Variants in TUBGCP5 observed in about 807,000 individuals in gnomAD.
TUBGCP5 encodes the protein gamma-tubulin complex component 5.
TUBGCP5 carries 98 observed loss-of-function variants against 134.7 expected under a neutral mutation model. The observed-to-expected ratio is 0.73, with a 90% CI of 0.62 to 0.86. The LOEUF is 0.86. Among genes scored for constraint, TUBGCP5 ranks in the 40% least tolerant of loss-of-function variants. TUBGCP5 has a pLI of 0.00. For missense variants in TUBGCP5, 1,150 were observed against 1,244.8 expected (o/e 0.92, Z 1.15); for synonymous variants, 456 against 431.4 (o/e 1.06, Z -0.71).
intron 19 of TUBGCP5, chr15:23,004,504 G>A (rs999985736): frequency 5.1e-6 from 2 of 393,846 alleles, no homozygotes; most frequent in Admixed American, 4.9e-5. Flanking sequence ...TGGCAGGAAG[G>A]GGCAAGCACA....
At chr15:23,014,747 T>C (rs12899479) in intron 13 of TUBGCP5, among the ~76,000 whole-genome samples, 20,461 of 152,076 alleles carry the variant, frequency 0.13, 1,805 homozygotes, top group East Asian at 0.46. Flanking sequence ...CCTTATAGGT[T>C]ACCCCCAGCA....
At chr15:22,994,973 G>T (rs2064000938), downstream of TUBGCP5, among the ~76,000 whole-genome samples, 1 of 152,160 alleles carries the variant, frequency 6.6e-6, no homozygotes. Context: ...GCCGGGGGCA[G>T]TGGCTCATGC....
chr15:23,009,862 T>C, intron 15 of TUBGCP5, 83 bp downstream of exon 15: 3 of 1,301,338 alleles, frequency 2.3e-6, no homozygotes, highest in South Asian at 3.2e-5. Flanking sequence ...TAATAAAAAT[T>C]GAAATAGGTT....
chr15:23,008,147 C>A (rs748543232), intron 16 of TUBGCP5, among the ~76,000 whole-genome samples: 1 of 152,206 alleles, frequency 6.6e-6, no homozygotes, highest in Non-Finnish European at 1.5e-5. Context: ...AAGCAATCCT[C>A]CCACCTTGGC....
In TUBGCP5 at chr15:23,018,043, TAA is replaced by T. The variant is rs769762373; in HGVS notation, c.1488-4_1488-3del. On this transcript the variant is annotated splice_polypyrimidine_tract_variant and splice_region_variant and intron_variant, in intron 12 of 22. Transcript: ENST00000615383. Reference sequence around the variant, plus strand: ...TGATTAACTGGAACATTTTTGTTTCTAAAGAGATTCAAAAGAATTTTAAACTC... The same window carrying T: ...TGATTAACTGGAACATTTTTGTTTCTAGAGATTCAAAAGAATTTTAAACTC... 1.3e-5 allele frequency: 20 copies of T among 1,599,676 alleles called. No homozygotes were observed. The African/African-American group carries it at 2.3e-4, about 18-fold the overall frequency.
At chr15:23,020,927 C>G (rs1472940004) in intron 11 of TUBGCP5, among the ~76,000 whole-genome samples, 1 of 152,124 alleles carries the variant, frequency 6.6e-6, no homozygotes, top group Non-Finnish European at 1.5e-5. Context: ...CAGAGTCTTG[C>G]TCTGTTGCCC....
Position 22,985,110 on chromosome 15 carries a change from C to T in TUBGCP5, c.*62-1499G>A, listed in dbSNP as rs569255621. On this transcript the variant is annotated intron_variant and NMD_transcript_variant, in intron 23 of 23. Transcript: ENST00000614508. Reference sequence around the variant, plus strand: ...CACATTGGAAGTCTTTTATAAAATTCAACATATATATCTCCTATGATGGTA... The same window carrying T: ...CACATTGGAAGTCTTTTATAAAATTTAACATATATATCTCCTATGATGGTA... 6.6e-5 allele frequency among the ~76,000 whole-genome samples: 10 copies of T among 152,264 alleles called. No homozygotes were observed. The South Asian group carries it at 1.5e-3, about 22-fold the overall frequency.
chr15:23,032,389 TTAAA>T (rs1000648329), intron 4 of TUBGCP5, among the ~76,000 whole-genome samples: 8 of 152,202 alleles, frequency 5.3e-5, no homozygotes, highest in African/African-American at 1.9e-4. Context: ...GCTGTATACT[TTAAA>T]TAATCTCTAG....
intron 13 of TUBGCP5, among the ~76,000 whole-genome samples, chr15:23,011,592 C>T (rs60301760): frequency 0.034 from 5,102 of 149,490 alleles, 295 homozygotes; most frequent in African/African-American, 0.12. Context: ...GCAACCTCCG[C>T]CTCCCGGGTT....
downstream of TUBGCP5, among the ~76,000 whole-genome samples, chr15:22,983,034 ACTT>A (rs2063582407): frequency 1.3e-5 from 2 of 152,236 alleles, no homozygotes; most frequent in South Asian, 2.1e-4. Context: ...AGAGATTTGA[ACTT>A]CTCTCTATTA....
chr15:23,034,842 A>T (rs1318813733), intron 3 of TUBGCP5, among the ~76,000 whole-genome samples: 1 of 151,636 alleles, frequency 6.6e-6, no homozygotes, highest in Non-Finnish European at 1.5e-5. Context: ...ACAAAAAAAC[A>T]AACAAACAAA....
chr15:22,988,010 C>A (rs1484527113), intron 23 of TUBGCP5, among the ~76,000 whole-genome samples: 1 of 151,558 alleles, frequency 6.6e-6, no homozygotes, highest in African/African-American at 2.4e-5. Context: ...TGGGACCTCA[C>A]CAGACACCCA....
At chr15:23,035,734 C>G (rs1018764660) in intron 3 of TUBGCP5, among the ~76,000 whole-genome samples, 1 of 152,094 alleles carries the variant, frequency 6.6e-6, no homozygotes, top group Non-Finnish European at 1.5e-5. Flanking sequence ...ATCCAAGATG[C>G]CACACAGCAA....
intron 16 of TUBGCP5, 101 bp from the exon 17 acceptor site, chr15:23,006,453 A>AGATAC: frequency 1.3e-6 from 1 of 763,440 alleles, no homozygotes; most frequent in Non-Finnish European, 2.1e-6. Flanking sequence ...ATTCCCCAAA[A>AGATAC]GATACTGCAT....
At chr15:23,000,794 T>G (rs1595813997) in intron 21 of TUBGCP5, 125 bp from the exon 22 acceptor site, 1 of 707,534 alleles carries the variant, frequency 1.4e-6, no homozygotes, top group Non-Finnish European at 2.2e-6. Flanking sequence ...AATCTAAAGA[T>G]TATAAAATAA....
intron 22 of TUBGCP5, 181 bp downstream of exon 22, chr15:23,000,388 A>C: frequency 7.3e-7 from 1 of 1,375,714 alleles, no homozygotes; most frequent in Non-Finnish European, 9.4e-7. Context: ...TCAGGCTTAC[A>C]CTCACCTCAC....
intron 15 of TUBGCP5, among the ~76,000 whole-genome samples, 200 bp from the exon 16 acceptor site, chr15:23,009,081 T>C (rs1430348683): frequency 6.6e-6 from 1 of 152,160 alleles, no homozygotes; most frequent in Non-Finnish European, 1.5e-5. Context: ...TCAGAAAGGT[T>C]ATCTTCTATA....
At chr15:23,019,384 G>A (rs989597170) in intron 11 of TUBGCP5, 50 bp from the exon 12 acceptor site, 1 of 1,222,194 alleles carries the variant, frequency 8.2e-7, no homozygotes, top group Non-Finnish European at 1.2e-6. Context: ...CTGGTCACTA[G>A]GATAAAAGGA....
Position 22,999,798 on chromosome 15 carries a change from ATATT to A in TUBGCP5, c.*18_*21del, listed in dbSNP as rs1338452848. 1 of 1,610,778 alleles carries A rather than the reference ATATT, an allele frequency of 6.2e-7. No individual in the cohort carries two copies. The highest frequency in any genetic ancestry group is 1.3e-5 in the African/African-American group (1 of 74,982). ...TACATGTATGATGACAAAGTCGGAG[ATATT>A]TATTACGCTGAAGACATTTAACTTT... is the stretch of plus-strand genomic sequence containing the variant. On this transcript the variant is annotated 3_prime_UTR_variant, in exon 23 of 23. Transcript: ENST00000615383.
Sources: allele counts gnomAD v4.1 joint callset (sites outside exome capture counted in the v4.1 genomes callset), GRCh38; gene constraint gnomAD v4.1.1; transcripts MANE v1.5; gene names NCBI Gene and HGNC (gene_info 2026-07-23, HGNC 2026-07-21).